The following CYREN variants were observed in gnomAD, a reference collection of about 807,000 sequenced individuals.
The protein encoded by CYREN is cell cycle regulator of non-homologous end joining.
A neutral mutation model predicts 9.7 loss-of-function variants in CYREN; 7 were observed. The ratio of observed to expected loss-of-function variants is 0.72; its 90% CI spans 0.41 to 1.36. The LOEUF (loss-of-function observed/expected upper bound fraction) is 1.36. Among genes scored for constraint, CYREN ranks in the 40% most tolerant of loss-of-function variants. CYREN has a pLI of 0.01. For synonymous variants in CYREN, 76 were observed against 77.9 expected, an observed-to-expected ratio of 0.98 and a Z score of 0.13; for missense variants, 215 against 198.1, an observed-to-expected ratio of 1.09 and a Z score of -0.51.
intron 2 of CYREN, 149 bp from the exon 3 acceptor site, chr7:135,167,956 A>T (rs904291405): frequency 1.5e-6 from 2 of 1,377,316 alleles, no homozygotes; most frequent in Admixed American, 2.3e-5. Context: ...TCTGACACGG[A>T]CACAATTTCC....
intron 2 of CYREN, among the ~76,000 whole-genome samples, chr7:135,096,520 A>G (rs1822745162): frequency 7.2e-6 from 1 of 139,826 alleles, no homozygotes; most frequent in Non-Finnish European, 1.6e-5. Flanking sequence ...AAAAAAGAAA[A>G]AGAGAAAAAA....
intron 2 of CYREN, among the ~76,000 whole-genome samples, chr7:135,154,056 C>T (rs1829727602): frequency 6.6e-6 from 1 of 152,090 alleles, no homozygotes. Context: ...CTGGTTCAAT[C>T]TTGGGGGATT....
At chr7:135,114,122 C>A (rs1585195277) in intron 2 of CYREN, among the ~76,000 whole-genome samples, 1 of 152,348 alleles carries the variant, frequency 6.6e-6, no homozygotes, top group East Asian at 1.9e-4. Context: ...GTGTTGCTTA[C>A]ACTGTTGGCT....
In CYREN at chr7:135,167,783, G is replaced by A; in HGVS notation, c.162C>T (p.Tyr54=). The part of the protein sequence containing the change: ...AARLPATRTV[Y]CMNEAEIVDV... The stretch of plus-strand genomic sequence containing the variant: ...CAACTATCTCAGCCTCATTCATGCA[G>A]TACACAGTCCTTGTCGCAGGGAGTC... Residue 54 remains tyrosine, a synonymous_variant, in exon 3 of 4, where the codon TAC becomes TAT. Coordinates refer to ENST00000393114, the MANE Select transcript of CYREN (RefSeq NM_024033.4). 1 of 1,614,198 alleles carries A rather than the reference G, an allele frequency of 6.2e-7. No homozygotes were observed. Among genetic ancestry groups the A allele is most frequent in the Non-Finnish European group, 8.5e-7 (1 of 1,180,026 alleles).
intron 1 of CYREN, among the ~76,000 whole-genome samples, chr7:135,169,744 C>T (rs566825066): frequency 9.3e-4 from 142 of 152,292 alleles, no homozygotes; most frequent in African/African-American, 3.4e-3. Context: ...AGTTGTGACT[C>T]AGAGGGCCTA....
At chr7:135,152,708 TC>T (rs1455052238) in intron 2 of CYREN, 1 of 152,190 alleles carries the variant, frequency 6.6e-6, no homozygotes, top group African/African-American at 2.4e-5. Flanking sequence ...AGTTCTTCCC[TC>T]CCTGGTCCCC....
downstream of CYREN, among the ~76,000 whole-genome samples, chr7:135,162,575 C>T (rs1829971791): frequency 6.6e-6 from 1 of 152,168 alleles, no homozygotes; most frequent in Admixed American, 6.5e-5. Flanking sequence ...TGGCAGCAGG[C>T]AAGAGAACAT....
At chr7:135,152,001 C>G (rs1481811498) in intron 2 of CYREN, among the ~76,000 whole-genome samples, 1 of 152,200 alleles carries the variant, frequency 6.6e-6, no homozygotes, top group Non-Finnish European at 1.5e-5. Flanking sequence ...AGGCTGGTAG[C>G]CTGGGCTTAA....
At chr7:135,160,958 G>A (rs957416201), downstream of CYREN, among the ~76,000 whole-genome samples, 9 of 152,176 alleles carry the variant, frequency 5.9e-5, no homozygotes, top group Admixed American at 5.2e-4. Flanking sequence ...CTGAGGATGG[G>A]CAGATGGGAA....
Position 135,100,548 on chromosome 7 carries a change from G to T in CYREN, n.357-5966C>A, listed in dbSNP as rs76581945. ...ATGGTATATCCTCTCTTCCTTCCTG[G>T]CTTCTCTTCTAAGAACTCAGTTTCT... On this transcript the variant is annotated intron_variant and non_coding_transcript_variant, in intron 2 of 2. Coordinates refer to the CYREN transcript ENST00000459937. Among the ~76,000 whole-genome samples the T allele has an allele frequency of 4.7e-3, 722 of 152,164 alleles. 22 individuals are homozygous for T. In the East Asian group the frequency reaches 0.057, roughly 12 times the overall value.
chr7:135,167,807 T>G lies in CYREN; in HGVS notation c.138A>C (p.Arg46Ser). ...AGTACACAGTCCTTGTCGCAGGGAG[T>G]CTGAAAAAAAGACATGCAAGGCACA... is the stretch of plus-strand genomic sequence containing the variant. Reference protein sequence around the residue: ...RMAAVPVAAARLPATRTVYCM... With the variant: ...RMAAVPVAAASLPATRTVYCM... The change falls in exon 3 of 4, where the codon AGA (arginine) becomes AGC (serine). Residue 46 changes from arginine (R) to serine (S), a missense_variant and splice_region_variant. Coordinates refer to ENST00000393114, the MANE Select transcript of CYREN (RefSeq NM_024033.4). 1 of 1,613,494 alleles carries G rather than the reference T, an allele frequency of 6.2e-7. No homozygotes were observed. The highest frequency in any genetic ancestry group is 1.1e-5 in the South Asian group (1 of 91,044).
At chr7:135,115,693 C>A in intron 2 of CYREN, 3 of 1,176,882 alleles carry the variant, frequency 2.5e-6, no homozygotes, top group South Asian at 1.8e-5. Flanking sequence ...TATTATCCTA[C>A]GAAAAAAAAA....
At chr7:135,095,233 C>T (rs1177398742) in intron 2 of CYREN, among the ~76,000 whole-genome samples, 1 of 152,172 alleles carries the variant, frequency 6.6e-6, no homozygotes, top group Non-Finnish European at 1.5e-5. Flanking sequence ...AGCCCAGGAA[C>T]ACAGGCCCAC....
At chr7:135,147,681 G>T (rs985245084) in intron 2 of CYREN, 1 of 433,762 alleles carries the variant, frequency 2.3e-6, no homozygotes, top group African/African-American at 2.0e-5. Flanking sequence ...GGGGACAGAC[G>T]GCATAGCTGC....
At chr7:135,157,184 T>C (rs2117446391) in intron 2 of CYREN, among the ~76,000 whole-genome samples, 1 of 152,388 alleles carries the variant, frequency 6.6e-6, no homozygotes, top group South Asian at 2.1e-4. Context: ...TTTCTTTGCG[T>C]CTGGTGTAGC....
At chr7:135,159,506 G>A (rs1436078505) in intron 2 of CYREN, among the ~76,000 whole-genome samples, 1 of 152,130 alleles carries the variant, frequency 6.6e-6, no homozygotes, top group African/African-American at 2.4e-5. Context: ...TCGCCTTTAA[G>A]CAGAAATCAT....
chr7:135,103,475 T>A (rs577871712), intron 2 of CYREN, among the ~76,000 whole-genome samples: 1 of 152,342 alleles, frequency 6.6e-6, no homozygotes, highest in South Asian at 2.1e-4. Context: ...TTTCTTAATA[T>A]GCATGCTTTT....
At chr7:135,093,689 T>C (rs1222848612) in exon 3 of CYREN, 1 of 152,192 alleles carries the variant, frequency 6.6e-6, no homozygotes, top group East Asian at 1.9e-4. Context: ...ACTCCTCAAA[T>C]TGATAGATTC....
In CYREN at chr7:135,151,143, G is replaced by C. The variant is rs1451277491; in HGVS notation, n.356+17606C>G. ...CTGATAAAGCTGTTTTATTTACATGGAATAATTAAGTAAATCAAAACATCA... is the reference window on the plus strand; with the variant it reads ...CTGATAAAGCTGTTTTATTTACATGCAATAATTAAGTAAATCAAAACATCA... On this transcript the variant is annotated intron_variant and non_coding_transcript_variant, in intron 2 of 2. Transcript: ENST00000459937. The surrounding 1 kb of genome is among the most constrained non-coding windows in gnomAD (Gnocchi z 4.3). Among the ~76,000 whole-genome samples, 2 of 152,086 alleles carry C rather than the reference G, an allele frequency of 1.3e-5. No homozygotes were observed. The highest frequency in any genetic ancestry group is 6.6e-5 in the Admixed American group (1 of 15,264).
Sources: allele counts gnomAD v4.1 joint callset (sites outside exome capture counted in the v4.1 genomes callset), GRCh38; gene constraint gnomAD v4.1.1; non-coding constraint Gnocchi (gnomAD v3.1); transcripts MANE v1.5; gene names NCBI Gene and HGNC (gene_info 2026-07-23, HGNC 2026-07-21).